Variants in FBXO34 observed in about 807,000 individuals in gnomAD.
The protein encoded by FBXO34 is F-box only protein 34.
In FBXO34, 12 loss-of-function variants were observed where a neutral mutation model predicts 24.5. The ratio of observed to expected loss-of-function variants is 0.49; its 90% CI spans 0.31 to 0.79. The LOEUF (loss-of-function observed/expected upper bound fraction) is 0.79. Ranked by LOEUF, FBXO34 falls within the 30% of genes least tolerant of loss-of-function variation. FBXO34 has a pLI of 0.04. For synonymous variants in FBXO34, 320 were observed against 311.9 expected (o/e 1.03, Z -0.27); for missense variants, 823 against 857.7 (o/e 0.96, Z 0.51).
At chr14:55,274,825 T>C (rs191494930) in intron 1 of FBXO34, among the ~76,000 whole-genome samples, 7 of 152,360 alleles carry the variant, frequency 4.6e-5, no homozygotes, top group Non-Finnish European at 8.8e-5. Flanking sequence ...AGACATCATT[T>C]AGTGTTATCT....
At chr14:55,357,872 C>A (rs1884544059), downstream of FBXO34, among the ~76,000 whole-genome samples, 1 of 152,164 alleles carries the variant, frequency 6.6e-6, no homozygotes, top group Non-Finnish European at 1.5e-5. Context: ...AATAAAAAAT[C>A]AATTAGTTGC....
chr14:55,424,219 T>G, the FBXO34 span: 2 of 1,613,434 alleles, frequency 1.2e-6, no homozygotes, highest in Admixed American at 1.7e-5. Context: ...TTTACCATTC[T>G]ATAAATAAGA....
chr14:55,409,796 G>T, the FBXO34 span, among the ~76,000 whole-genome samples: 1 of 152,208 alleles, frequency 6.6e-6, no homozygotes, highest in Non-Finnish European at 1.5e-5. Context: ...TTTGGGTAAA[G>T]TGAAAAACCA....
chr14:55,354,598 C>T (rs1884492125), downstream of FBXO34: 1 of 152,260 alleles, frequency 6.6e-6, no homozygotes, highest in Non-Finnish European at 1.5e-5. Context: ...AAGTATGTCC[C>T]AGCCCCAGTT....
the FBXO34 span, among the ~76,000 whole-genome samples, chr14:55,418,398 T>G: frequency 2.6e-5 from 4 of 152,236 alleles, no homozygotes; most frequent in Admixed American, 1.3e-4. Context: ...TGTTCTTACA[T>G]CAAGTCATAA....
chr14:55,431,313 CA>C, the FBXO34 span, among the ~76,000 whole-genome samples: 1 of 152,174 alleles, frequency 6.6e-6, no homozygotes, highest in African/African-American at 2.4e-5. Context: ...GGAATAAATT[CA>C]GATAAGAAAA....
chr14:55,282,938 G>T (rs565308383), intron 1 of FBXO34, among the ~76,000 whole-genome samples: 1 of 152,302 alleles, frequency 6.6e-6, no homozygotes, highest in South Asian at 2.1e-4. Context: ...GAAACCAGGA[G>T]AGGCAAACTT....
chr14:55,428,712 TCACAA>T, the FBXO34 span: 6 of 1,293,898 alleles, frequency 4.6e-6, no homozygotes, highest in Middle Eastern at 2.8e-4. Context: ...TTTTTTTTAA[TCACAA>T]TTTCTCTGAA....
At chr14:55,289,506 C>T (rs905333413) in intron 1 of FBXO34, among the ~76,000 whole-genome samples, 1 of 152,042 alleles carries the variant, frequency 6.6e-6, no homozygotes, top group African/African-American at 2.4e-5. Context: ...TTCCGGTATA[C>T]GATTCTTTCT....
chr14:55,361,747 A>ACC (rs1884598193), exon 4 of FBXO34: 1 of 152,070 alleles, frequency 6.6e-6, no homozygotes, highest in South Asian at 2.1e-4. Flanking sequence ...AGCTTCTTAC[A>ACC]CCTCATGAGC....
chr14:55,370,066 C>T (rs1175234756), downstream of FBXO34: 5 of 663,152 alleles, frequency 7.5e-6, no homozygotes, highest in Admixed American at 9.8e-5. Flanking sequence ...TGCAGCACTC[C>T]GTGTTGACAT....
At chr14:55,402,927 ATATATATATATATATATAT>A in the FBXO34 span, among the ~76,000 whole-genome samples, 2 of 8,920 alleles carry the variant, frequency 2.2e-4, no homozygotes, top group African/African-American at 6.6e-4. Context: ...AAAAAAAAAA[ATATATATATATATATATAT>A]ATATATATAT....
chr14:55,400,060 C>T, the FBXO34 span, among the ~76,000 whole-genome samples: 1 of 152,214 alleles, frequency 6.6e-6, no homozygotes, highest in East Asian at 1.9e-4. Flanking sequence ...GAGTCACGTC[C>T]TCCTTCATGA....
the FBXO34 span, among the ~76,000 whole-genome samples, chr14:55,403,636 G>A: frequency 7.9e-5 from 12 of 151,714 alleles, no homozygotes; most frequent in Admixed American, 7.2e-4. Flanking sequence ...ATTGTGTACC[G>A]GCATGAAAAG....
rs145308126 is a variant in FBXO34 at position 55,313,032 on chromosome 14, G to A, written c.-10-37349G>A. On this transcript the variant is annotated intron_variant, in intron 1 of 1. Transcript: ENST00000313833. ...GGCTGCAAATTTTCCAAACTTTTAT[G>A]CTCTGCTTCCTTTTTAAACTTAAGT... 3.9e-3 allele frequency among the ~76,000 whole-genome samples: 597 copies of A among 152,148 alleles called. 5 individuals are homozygous for A. The highest frequency in any genetic ancestry group is 0.014 in the African/African-American group (579 of 41,508).
downstream of FBXO34, among the ~76,000 whole-genome samples, chr14:55,365,389 C>G (rs932448923): frequency 6.6e-6 from 1 of 152,120 alleles, no homozygotes. Context: ...CTTCAACTAT[C>G]TAAGCACTGG....
chr14:55,350,854 G>A lies in FBXO34; in HGVS notation c.464G>A (p.Gly155Glu). 6.2e-7 allele frequency: 1 copy of A among 1,613,042 alleles called. No homozygotes were observed. The highest frequency in any genetic ancestry group is 8.5e-7 in the Non-Finnish European group (1 of 1,179,784). ...GCTACTAAGAGAAGGAAAAAATCAGGGGATCTTAAAAAAGCCAAGGTACAG... is the reference window on the plus strand; with the variant it reads ...GCTACTAAGAGAAGGAAAAAATCAGAGGATCTTAAAAAAGCCAAGGTACAG... ...GRATKRRKKSGDLKKAKVQVE... is the reference protein window; with the variant it reads ...GRATKRRKKSEDLKKAKVQVE... The change falls in exon 2 of 2, where the codon GGG becomes GAG. Residue 155 changes from glycine (G) to glutamate (E), a missense_variant. By Grantham distance (98) the Gly-to-Glu change is moderately conservative. Around this residue, in one of 2 missense-constraint regions of FBXO34, gnomAD observed 693 missense variants for 659.1 expected, o/e 1.05. Coordinates refer to ENST00000313833, the MANE Select transcript of FBXO34 (RefSeq NM_017943.4).
the FBXO34 span, among the ~76,000 whole-genome samples, chr14:55,375,820 G>C: frequency 6.6e-6 from 1 of 152,132 alleles, no homozygotes; most frequent in Non-Finnish European, 1.5e-5. Flanking sequence ...ACTGATAGTA[G>C]GCATCCTTGA....
At chr14:55,411,630 C>G in the FBXO34 span, 3 of 1,612,438 alleles carry the variant, frequency 1.9e-6, no homozygotes, top group Non-Finnish European at 2.5e-6. Flanking sequence ...TCGAAGTAGA[C>G]GAAATCGCCG....
Sources: gnomAD v4.1 joint callset for allele counts (sites outside exome capture counted in the v4.1 genomes callset) on GRCh38, gnomAD v4.1.1 for gene constraint, gnomAD v4.1.1 regional missense constraint, MANE v1.5 for transcripts, NCBI Gene and HGNC (gene_info 2026-07-23, HGNC 2026-07-21) for gene names.